The following PHF21B variants were observed in gnomAD, a reference collection of about 807,000 sequenced individuals.
PHF21B encodes PHD finger protein 21B.
Under a neutral mutation model 62.2 loss-of-function variants are expected in PHF21B, and 22 were observed. That is an observed-to-expected ratio of 0.35 (90% CI 0.25 to 0.51). The LOEUF is 0.51. Ranked by LOEUF, PHF21B falls within the 20% of genes least tolerant of loss-of-function variation. The pLI, the probability that PHF21B is intolerant of heterozygous loss-of-function variation, is 0.97. For missense variants in PHF21B, 701 were observed against 707.9 expected, an observed-to-expected ratio of 0.99 and a Z score of 0.11; for synonymous variants, 341 against 314.7, an observed-to-expected ratio of 1.08 and a Z score of -0.88.
chr22:44,907,777 C>T (rs546344116), intron 5 of PHF21B, among the ~76,000 whole-genome samples: 2 of 152,160 alleles, frequency 1.3e-5, no homozygotes, highest in African/African-American at 4.8e-5. Flanking sequence ...GGACAGCAAA[C>T]CTAGGAAAGT....
At chr22:44,912,878 C>CAAAAAAAA (rs3087031) in intron 5 of PHF21B, among the ~76,000 whole-genome samples, 17,902 of 45,136 alleles carry the variant, frequency 0.4, 5,076 homozygotes, top group Non-Finnish European at 0.47. Context: ...GACTCTATCT[C>CAAAAAAAA]AAAAAAAAAA....
intron 9 of PHF21B, 96 bp downstream of exon 9, chr22:44,889,664 G>A (rs1367380066): frequency 1.7e-5 from 24 of 1,438,422 alleles, no homozygotes; most frequent in Non-Finnish European, 2.2e-5. Context: ...GCACCACTCC[G>A]GGCTCTTTCC....
At chr22:44,927,448 AGG>A (rs2071654456) in intron 2 of PHF21B, among the ~76,000 whole-genome samples, 1 of 152,080 alleles carries the variant, frequency 6.6e-6, no homozygotes, top group African/African-American at 2.4e-5. Flanking sequence ...CCAGCACCAA[AGG>A]AGAGACGATT....
At chr22:44,978,441 C>T (rs948052551) in intron 2 of PHF21B, among the ~76,000 whole-genome samples, 3 of 152,200 alleles carry the variant, frequency 2.0e-5, no homozygotes, top group African/African-American at 4.8e-5. Flanking sequence ...CTCACTGCCA[C>T]CTCCGCTTCC....
intron 2 of PHF21B, among the ~76,000 whole-genome samples, chr22:44,981,025 T>C (rs777557239): frequency 2.6e-5 from 4 of 152,152 alleles, no homozygotes; most frequent in African/African-American, 4.8e-5. Context: ...AATAAATAAG[T>C]CCCAAGCTTT....
At chr22:44,948,873 A>T (rs550777573) in intron 2 of PHF21B, among the ~76,000 whole-genome samples, 1 of 152,238 alleles carries the variant, frequency 6.6e-6, no homozygotes, top group African/African-American at 2.4e-5. Context: ...TGTCATTTGC[A>T]GTCTCAAGCA....
chr22:45,008,979 G>A, intron 1 of PHF21B: 1 of 1,088,228 alleles, frequency 9.2e-7, no homozygotes, highest in Non-Finnish European at 1.1e-6. Context: ...TCCGTGTCGA[G>A]CAAAGCTCAT....
In PHF21B at chr22:44,889,586, C is replaced by T. The variant is rs184984218; in HGVS notation, c.1038+174G>A. On this transcript the variant is annotated intron_variant, in intron 9 of 12. Coordinates refer to ENST00000313237, the MANE Select transcript of PHF21B (RefSeq NM_138415.5). ...AATGCCCGACTTGACGCTGCCTGGC[C>T]GGCTGGAAAGCTGGCTGAGTGTTGC... Among the ~76,000 whole-genome samples, 11 of 152,308 alleles carry T rather than the reference C, an allele frequency of 7.2e-5. No individual in the cohort carries two copies. In the East Asian group the frequency reaches 1.4e-3, roughly 19 times the overall value.
chr22:44,971,692 C>T (rs1392716510), intron 2 of PHF21B, among the ~76,000 whole-genome samples: 1 of 152,226 alleles, frequency 6.6e-6, no homozygotes, highest in Non-Finnish European at 1.5e-5. Flanking sequence ...GCCATCAAAA[C>T]ACACTGTGCC....
At chr22:44,975,160 C>T (rs1223929395) in intron 2 of PHF21B, among the ~76,000 whole-genome samples, 2 of 152,164 alleles carry the variant, frequency 1.3e-5, no homozygotes, top group Non-Finnish European at 2.9e-5. Flanking sequence ...TCACCATCCT[C>T]CTCTCACCCC....
intron 2 of PHF21B, among the ~76,000 whole-genome samples, chr22:44,925,593 G>A (rs1473176390): frequency 2.0e-5 from 3 of 152,178 alleles, no homozygotes; most frequent in Non-Finnish European, 4.4e-5. Context: ...TTAAAACAGA[G>A]CTTTTTATGC....
chr22:44,924,013 G>A (rs942931152), intron 2 of PHF21B, among the ~76,000 whole-genome samples: 2 of 126,558 alleles, frequency 1.6e-5, no homozygotes, highest in Non-Finnish European at 3.2e-5. Flanking sequence ...CCAAGAAGAA[G>A]AAGAAAGATG....
rs1440984777 is a variant in PHF21B, at chr22:44,893,528, G to T, written c.889C>A (p.Gln297Lys). ...LVTTEHLEEI[Q>K]SKRQERKRRS... is the part of the protein sequence containing the mutation. The stretch of plus-strand genomic sequence containing the variant: ...CTCTTCCGCTCCTGTCGCTTGCTCT[G>T]GATTTCTGGAAAGGCACAGACACAG... The change falls in exon 7 of 13, where the codon CAG becomes AAG. Residue 297 changes from glutamine (Q) to lysine (K), a missense_variant. Coordinates refer to ENST00000313237, the MANE Select transcript of PHF21B (RefSeq NM_138415.5). 6 of 1,599,624 alleles carry T rather than the reference G, an allele frequency of 3.8e-6. No individual in the cohort carries two copies. Among genetic ancestry groups the T allele is most frequent in the Non-Finnish European group, 2.6e-6 (3 of 1,173,090 alleles).
At chr22:44,957,278 C>T (rs1346800403) in intron 2 of PHF21B, among the ~76,000 whole-genome samples, 2 of 152,252 alleles carry the variant, frequency 1.3e-5, no homozygotes, top group African/African-American at 4.8e-5. Context: ...CACTTTACAA[C>T]AATTAGCTCT....
rs2073186096 is a variant in PHF21B at position 45,000,018 on chromosome 22, G to C, written c.120+8527C>G. On this transcript the variant is annotated intron_variant, in intron 2 of 12. Transcript: ENST00000313237. ...GCACCAGGCACTCTGCTGCCTGGCT[G>C]GCCATGAACTATTATTAATCCCCTT... Among the ~76,000 whole-genome samples the C allele has an allele frequency of 5.3e-5, 8 of 152,218 alleles. No homozygotes were observed. In the South Asian group the frequency reaches 1.7e-3, roughly 32 times the overall value.
chr22:44,955,135 T>C (rs1208492436), intron 2 of PHF21B, among the ~76,000 whole-genome samples: 1 of 152,172 alleles, frequency 6.6e-6, no homozygotes, highest in Non-Finnish European at 1.5e-5. Flanking sequence ...GGTCATGCTG[T>C]GTCTCCCAGA....
intron 2 of PHF21B, among the ~76,000 whole-genome samples, chr22:44,979,151 G>A (rs1232391121): frequency 6.6e-6 from 1 of 152,226 alleles, no homozygotes; most frequent in East Asian, 1.9e-4. Context: ...ATTCTCTCCT[G>A]CACCCACAGT....
At position 44,892,937 on chromosome 22, in the gene PHF21B, G is replaced by A. The variant is rs543708294; in HGVS notation, c.960+520C>T. On this transcript the variant is annotated intron_variant, in intron 7 of 12. Transcript: ENST00000313237. Reference sequence around the variant, plus strand: ...TGGACCGATTTTGGTGTAGGCTCTCGGATTCCCACCCCCATCCCTGGGTAT... The same window carrying A: ...TGGACCGATTTTGGTGTAGGCTCTCAGATTCCCACCCCCATCCCTGGGTAT... Among the ~76,000 whole-genome samples, 193 of 152,206 alleles carry A rather than the reference G, an allele frequency of 1.3e-3. 5 individuals carry two copies. The South Asian group carries it at 0.038, about 30-fold the overall frequency.
intron 11 of PHF21B, among the ~76,000 whole-genome samples, 159 bp downstream of exon 11, chr22:44,885,704 C>T (rs1479651745): frequency 6.6e-6 from 1 of 152,204 alleles, no homozygotes; most frequent in Non-Finnish European, 1.5e-5. Flanking sequence ...GCCACACCTG[C>T]CCCGGACACA....
Sources: gnomAD v4.1 joint callset for allele counts (sites outside exome capture counted in the v4.1 genomes callset) on GRCh38, gnomAD v4.1.1 for gene constraint, MANE v1.5 for transcripts, NCBI Gene and HGNC (gene_info 2026-07-23, HGNC 2026-07-21) for gene names.